Variants in RMST observed in about 807,000 individuals in gnomAD.
RMST encodes long intergenic non-protein coding RNA 54.
chr12:97,495,496 A>G lies in RMST; in HGVS notation n.1215-435A>G, dbSNP rs558761043. On this transcript the variant is annotated intron_variant and non_coding_transcript_variant, in intron 9 of 13. Coordinates refer to ENST00000640149, the Ensembl canonical transcript of RMST. ...AAATATCTAGCCTTCTATGTATGCT[A>G]TATATACTGTAATCCATCAGAATGG... Among the ~76,000 whole-genome samples the G allele has an allele frequency of 5.9e-5, 9 of 152,260 alleles. No homozygotes were observed. The South Asian group carries it at 1.2e-3, about 21-fold the overall frequency.
intron 5 of RMST, among the ~76,000 whole-genome samples, chr12:97,485,885 T>A (rs1009981493): frequency 6.6e-6 from 1 of 152,214 alleles, no homozygotes; most frequent in African/African-American, 2.4e-5. Context: ...GTGTGTCTTT[T>A]TAGAGCTTGT....
intron 11 of RMST, chr12:97,533,851 T>G (rs1163389436): frequency 1.3e-5 from 2 of 151,846 alleles, no homozygotes; most frequent in Non-Finnish European, 2.9e-5. Context: ...AGTGTAAAAA[T>G]TAAGAAGCCT....
At chr12:97,552,467 A>C (rs147203044) in intron 11 of RMST, among the ~76,000 whole-genome samples, 97 of 152,188 alleles carry the variant, frequency 6.4e-4, no homozygotes, top group Admixed American at 4.6e-4. Flanking sequence ...GGCATTTATC[A>C]TTTCTCCCTT....
chr12:97,511,269 C>A (rs931621874), intron 10 of RMST, among the ~76,000 whole-genome samples: 1 of 151,980 alleles, frequency 6.6e-6, no homozygotes. Flanking sequence ...TTGCCTCAGC[C>A]TCCCAAGTAG....
chr12:97,493,452 T>C (rs1593173822), intron 7 of RMST, among the ~76,000 whole-genome samples: 1 of 152,218 alleles, frequency 6.6e-6, no homozygotes, highest in African/African-American at 2.4e-5. Context: ...AATTTCAACA[T>C]ATACATTTCT....
At chr12:97,470,539 AATATTT>A (rs1226851357) in intron 5 of RMST, among the ~76,000 whole-genome samples, 2 of 152,012 alleles carry the variant, frequency 1.3e-5, no homozygotes, top group East Asian at 3.8e-4. Context: ...AAGATCTTTA[AATATTT>A]ATATTAGGGT....
chr12:97,548,981 A>C lies in RMST; in HGVS notation n.1546-11556A>C, dbSNP rs17419054. Among the ~76,000 whole-genome samples the C allele has an allele frequency of 6.3e-3, 961 of 152,318 alleles. 4 individuals carry two copies. Among genetic ancestry groups the C allele is most frequent in the Non-Finnish European group, 0.011 (761 of 68,028 alleles). ...TTTTCAAGCTCTAACATACACTAAGATCTGACAGCAGAAACTTTTGAAAGA... is the reference window on the plus strand; with the variant it reads ...TTTTCAAGCTCTAACATACACTAAGCTCTGACAGCAGAAACTTTTGAAAGA... On this transcript the variant is annotated intron_variant and non_coding_transcript_variant, in intron 11 of 13. Transcript: ENST00000640149.
chr12:97,497,478 T>C (rs1021161999), intron 10 of RMST, among the ~76,000 whole-genome samples: 2 of 152,214 alleles, frequency 1.3e-5, no homozygotes, highest in Admixed American at 1.3e-4. Flanking sequence ...TGTTTAAGTA[T>C]AGCAGCATTG....
chr12:97,529,589 C>T (rs1209617024), intron 10 of RMST, among the ~76,000 whole-genome samples: 1 of 47,182 alleles, frequency 2.1e-5, no homozygotes, highest in East Asian at 4.8e-4. Flanking sequence ...TTCTGCTGCG[C>T]AAACTTTATT....
At chr12:97,541,309 G>A (rs1882501268) in intron 11 of RMST, 1 of 151,710 alleles carries the variant, frequency 6.6e-6, no homozygotes, top group Non-Finnish European at 1.5e-5. Context: ...AAAGATGAAG[G>A]TAGGAGAATA....
intron 3 of RMST, chr12:97,463,060 A>ACTCTCTCTCTCTCTCTCTCTCTCTCT (rs1872767787): frequency 1.2e-5 from 1 of 85,486 alleles, no homozygotes; most frequent in Non-Finnish European, 2.6e-5. Context: ...TCTCTCTCTG[A>ACTCTCTCTCTCTCTCTCTCTCTCTCT]AACACACACA....
chr12:97,487,807 C>T (rs576613997), intron 5 of RMST, among the ~76,000 whole-genome samples: 1 of 152,354 alleles, frequency 6.6e-6, no homozygotes, highest in South Asian at 2.1e-4. Context: ...TTCTTCACAT[C>T]CCCCGGTTGT....
intron 5 of RMST, among the ~76,000 whole-genome samples, chr12:97,474,976 T>C (rs1370200117): frequency 6.6e-6 from 1 of 152,218 alleles, no homozygotes; most frequent in Non-Finnish European, 1.5e-5. Context: ...TTGCCTTCTG[T>C]CTTTTCCCCA....
chr12:97,494,170 G>A (rs1593175513), intron 8 of RMST, among the ~76,000 whole-genome samples: 1 of 152,168 alleles, frequency 6.6e-6, no homozygotes, highest in Non-Finnish European at 1.5e-5. Flanking sequence ...TCCCCAGGTA[G>A]CATTTGGTTG....
intron 10 of RMST, among the ~76,000 whole-genome samples, chr12:97,526,513 A>T (rs1025600700): frequency 1.3e-5 from 2 of 152,136 alleles, no homozygotes; most frequent in Non-Finnish European, 2.9e-5. Flanking sequence ...AGCATATGTG[A>T]CTATATAGAT....
At chr12:97,496,633 A>G (rs1328994246) in intron 10 of RMST, among the ~76,000 whole-genome samples, 1 of 152,112 alleles carries the variant, frequency 6.6e-6, no homozygotes, top group African/African-American at 2.4e-5. Context: ...TCATATCACT[A>G]TGCTGATCCT....
chr12:97,550,412 T>C (rs1883228766), intron 11 of RMST, among the ~76,000 whole-genome samples: 1 of 151,918 alleles, frequency 6.6e-6, no homozygotes, highest in South Asian at 2.1e-4. Context: ...AATAAATAAA[T>C]GAATAATAAA....
intron 11 of RMST, among the ~76,000 whole-genome samples, chr12:97,553,269 A>C (rs1307716916): frequency 1.3e-5 from 2 of 152,226 alleles, no homozygotes; most frequent in Non-Finnish European, 2.9e-5. Flanking sequence ...TGTTTGGAGA[A>C]TAATTCATTG....
rs141919697 is a variant in RMST at position 97,501,332 on chromosome 12, A to G, written n.1340+5276A>G. On this transcript the variant is annotated intron_variant and non_coding_transcript_variant, in intron 10 of 13. Coordinates refer to ENST00000640149, the Ensembl canonical transcript of RMST. ...GTTAAATGGAATGTCTTAACAATAT[A>G]CCCACAGGAATTAAATTAATTTTGT... 6.3e-3 allele frequency among the ~76,000 whole-genome samples: 957 copies of G among 152,266 alleles called. 4 individuals carry two copies. The highest frequency in any genetic ancestry group is 0.022 in the African/African-American group (894 of 41,542).
Sources: gnomAD v4.1 joint callset for allele counts (sites outside exome capture counted in the v4.1 genomes callset) on GRCh38, gnomAD v4.1.1 for gene constraint, MANE v1.5 for transcripts, NCBI Gene and HGNC (gene_info 2026-07-23, HGNC 2026-07-21) for gene names.